The following PLD1 variants were observed in gnomAD, a reference collection of about 807,000 sequenced individuals.
PLD1 encodes choline phosphatase 1.
In PLD1, 112 loss-of-function variants were observed where a neutral mutation model predicts 137.1. That is an observed-to-expected ratio of 0.82 (90% confidence interval 0.70 to 0.96). The LOEUF is 0.96. Ranked by LOEUF, PLD1 falls within the 40% of genes least tolerant of loss-of-function variation. PLD1 has a pLI of 0.00. For synonymous variants in PLD1, 431 were observed against 454.7 expected (o/e 0.95, Z 0.66); for missense variants, 1,321 against 1,342.0 (o/e 0.98, Z 0.24).
chr3:171,654,160 G>T, intron 21 of PLD1: 1 of 360,294 alleles, frequency 2.8e-6, no homozygotes, highest in Admixed American at 3.4e-5. Context: ...AAAATTAGCT[G>T]AGTGTGGTGG....
intron 1 of PLD1, among the ~76,000 whole-genome samples, chr3:171,769,925 A>G (rs1466444934): frequency 1.3e-5 from 2 of 152,226 alleles, no homozygotes; most frequent in Non-Finnish European, 2.9e-5. Flanking sequence ...CCCTGAACTA[A>G]AGCATCCTTA....
intron 16 of PLD1, among the ~76,000 whole-genome samples, chr3:171,680,809 C>G (rs1713897154): frequency 6.6e-6 from 1 of 152,188 alleles, no homozygotes; most frequent in South Asian, 2.1e-4. Flanking sequence ...CCACCCACCT[C>G]CCCACGGCTT....
intron 22 of PLD1, among the ~76,000 whole-genome samples, chr3:171,644,332 C>T (rs1180446973): frequency 6.6e-6 from 1 of 152,090 alleles, no homozygotes; most frequent in East Asian, 1.9e-4. Flanking sequence ...AAATCTGAAG[C>T]CTCAAGAGGA....
intron 24 of PLD1, among the ~76,000 whole-genome samples, chr3:171,617,732 C>T (rs1229321316): frequency 6.6e-6 from 1 of 151,936 alleles, no homozygotes; most frequent in East Asian, 1.9e-4. Context: ...AAGCTATGCA[C>T]AAAAGAGATC....
At chr3:171,686,299 C>T (rs1273931513) in intron 16 of PLD1, among the ~76,000 whole-genome samples, 1 of 152,140 alleles carries the variant, frequency 6.6e-6, no homozygotes, top group African/African-American at 2.4e-5. Flanking sequence ...AACTCACCTC[C>T]CTCACTTGCA....
At chr3:171,721,821 A>G (rs1320982952) in intron 8 of PLD1, among the ~76,000 whole-genome samples, 2 of 151,924 alleles carry the variant, frequency 1.3e-5, no homozygotes, top group African/African-American at 2.4e-5. Context: ...TTCCCTTACA[A>G]AAATTTTCAG....
chr3:171,624,354 A>G (rs568646566), intron 23 of PLD1, among the ~76,000 whole-genome samples: 9 of 152,142 alleles, frequency 5.9e-5, no homozygotes, highest in Non-Finnish European at 1.0e-4. Context: ...GCAAAAAATA[A>G]AAAGTACGAC....
At chr3:171,640,361 G>GT (rs1160173466) in intron 23 of PLD1, among the ~76,000 whole-genome samples, 1 of 151,932 alleles carries the variant, frequency 6.6e-6, no homozygotes, top group Admixed American at 6.6e-5. Flanking sequence ...TGGATATGCT[G>GT]TTTTCATTTT....
At position 171,603,209 on chromosome 3, in the gene PLD1, G is replaced by A. The variant is rs746291174; in HGVS notation, c.3094C>T (p.Arg1032Ter). The change falls in exon 27 of 27, where the codon CGA becomes TGA. Residue 1032 changes from arginine to a stop codon, truncating the protein, a stop_gained. Transcript: ENST00000351298. LOFTEE classifies it high-confidence loss of function. The stretch of plus-strand genomic sequence containing the variant: ...ATCTTCTTCAGTTCCTCCTCAGCTC[G>A]AATGGGATCTTCCTTAGCTAATACG... ...KPVLAKEDPI[R>*]AEEELKKIRG... 9.9e-6 allele frequency: 16 copies of A among 1,613,856 alleles called. No homozygotes were observed. The highest frequency in any genetic ancestry group is 1.2e-5 in the Non-Finnish European group (14 of 1,179,858).
chr3:171,671,913 A>T (rs1442815005), intron 19 of PLD1, among the ~76,000 whole-genome samples: 1 of 151,894 alleles, frequency 6.6e-6, no homozygotes, highest in Non-Finnish European at 1.5e-5. Context: ...AAAAAAAAAA[A>T]CATCCAAAGT....
chr3:171,664,971 A>C (rs1423638441), intron 19 of PLD1, among the ~76,000 whole-genome samples: 1 of 152,138 alleles, frequency 6.6e-6, no homozygotes, highest in Non-Finnish European at 1.5e-5. Context: ...CAGTATGTCC[A>C]CCTCTGTAAA....
chr3:171,739,658 C>A (rs950084041), intron 1 of PLD1, among the ~76,000 whole-genome samples: 2 of 152,158 alleles, frequency 1.3e-5, no homozygotes, highest in East Asian at 3.9e-4. Context: ...AATAATAAAT[C>A]TGTGAGGGCT....
At chr3:171,686,438 T>C (rs575045736) in intron 16 of PLD1, among the ~76,000 whole-genome samples, 5 of 152,348 alleles carry the variant, frequency 3.3e-5, no homozygotes, top group East Asian at 3.9e-4. Context: ...CATGACACTA[T>C]TGAATTGCAT....
chr3:171,637,104 T>G (rs540714566), intron 23 of PLD1, among the ~76,000 whole-genome samples: 2 of 152,374 alleles, frequency 1.3e-5, no homozygotes, highest in South Asian at 4.1e-4. Flanking sequence ...AAACCAACCA[T>G]GCATTCCTGG....
At chr3:171,735,046 G>A in intron 4 of PLD1, 76 bp from the exon 5 acceptor site, 1 of 798,644 alleles carries the variant, frequency 1.3e-6, no homozygotes, top group South Asian at 1.5e-5. Context: ...TCTTTCATGA[G>A]ACGGCATATT....
rs112698592 is a variant in PLD1, at chr3:171,754,885, G to A, written c.-31-16803C>T. ...AATCTCCATCCTATCTGGTGAGACAGCTGTGCAGGCAACTTTTATCCAAGG... is the reference window on the plus strand; with the variant it reads ...AATCTCCATCCTATCTGGTGAGACAACTGTGCAGGCAACTTTTATCCAAGG... On this transcript the variant is annotated intron_variant, in intron 1 of 26. Coordinates refer to ENST00000351298, the MANE Select transcript of PLD1 (RefSeq NM_002662.5). 6.8e-3 allele frequency among the ~76,000 whole-genome samples: 1,042 copies of A among 152,246 alleles called. 11 individuals are homozygous for A. Among genetic ancestry groups the A allele is most frequent in the African/African-American group, 0.02 (815 of 41,540 alleles).
intron 8 of PLD1, among the ~76,000 whole-genome samples, chr3:171,716,386 C>T (rs2108222005): frequency 6.6e-6 from 1 of 152,326 alleles, no homozygotes; most frequent in South Asian, 2.1e-4. Flanking sequence ...TTCTCTGAAA[C>T]CTCGTCAGCA....
At chr3:171,697,339 G>C (rs1454886325) in intron 12 of PLD1, among the ~76,000 whole-genome samples, 1 of 148,380 alleles carries the variant, frequency 6.7e-6, no homozygotes, top group Non-Finnish European at 1.5e-5. Flanking sequence ...CCGCCTCCCG[G>C]GTTCACGCCA....
At chr3:171,799,788 C>T (rs957209996) in intron 1 of PLD1, among the ~76,000 whole-genome samples, 4 of 152,118 alleles carry the variant, frequency 2.6e-5, no homozygotes, top group African/African-American at 9.7e-5. Flanking sequence ...TTACCTCTGT[C>T]CTCTCCCTCC....
Sources: gnomAD v4.1 joint callset for allele counts (sites outside exome capture counted in the v4.1 genomes callset) on GRCh38, gnomAD v4.1.1 for gene constraint, MANE v1.5 for transcripts, NCBI Gene and HGNC (gene_info 2026-07-23, HGNC 2026-07-21) for gene names.